PKHD1: variants seen among roughly 807,000 people sequenced by gnomAD.
PKHD1 encodes fibrocystin.
PKHD1 carries 291 observed loss-of-function variants against 412.0 expected under a neutral mutation model. That is an observed-to-expected ratio of 0.71 (90% CI 0.64 to 0.78). PKHD1 has a LOEUF of 0.78. Among genes scored for constraint, PKHD1 ranks in the 30% least tolerant of loss-of-function variants. The pLI is 0.00. For synonymous variants in PKHD1, 1,777 were observed against 1,821.5 expected (o/e 0.98, Z 0.62); for missense variants, 4,825 against 4,950.7 (o/e 0.97, Z 0.76).
chr6:51,902,702 A>AT (rs2127618213), intron 43 of PKHD1, among the ~76,000 whole-genome samples: 1 of 152,318 alleles, frequency 6.6e-6, no homozygotes, highest in South Asian at 2.1e-4. Context: ...GATCCATGGG[A>AT]TAAAATAATT....
intron 60 of PKHD1, among the ~76,000 whole-genome samples, chr6:51,741,513 G>A (rs1217273944): frequency 6.6e-6 from 1 of 152,062 alleles, no homozygotes; most frequent in African/African-American, 2.4e-5. Context: ...CCAAAGTCCT[G>A]ACAGAAAAGA....
chr6:52,048,401 C>G (rs1332799292), intron 23 of PKHD1, 91 bp downstream of exon 23: 2 of 1,227,780 alleles, frequency 1.6e-6, no homozygotes, highest in East Asian at 4.6e-5. Flanking sequence ...ATATTATCAC[C>G]TGTCTGACAA....
intron 4 of PKHD1, 118 bp downstream of exon 4, chr6:52,082,274 A>G: frequency 9.8e-7 from 1 of 1,025,166 alleles, no homozygotes; most frequent in Non-Finnish European, 1.5e-6. Flanking sequence ...ACTTTTTTTA[A>G]CAACTATGGC....
chr6:51,810,966 T>C (rs1258968884), intron 52 of PKHD1, among the ~76,000 whole-genome samples: 4 of 152,184 alleles, frequency 2.6e-5, no homozygotes, highest in African/African-American at 9.7e-5. Flanking sequence ...AAACCCTATT[T>C]AACTATAATT....
intron 37 of PKHD1, among the ~76,000 whole-genome samples, chr6:51,931,821 G>A (rs983317443): frequency 2.0e-5 from 3 of 151,836 alleles, no homozygotes; most frequent in Admixed American, 6.6e-5. Flanking sequence ...TAGGAAAAGG[G>A]GGAGAGAGAG....
chr6:51,640,397 T>C (rs1769190712), intron 63 of PKHD1, among the ~76,000 whole-genome samples: 1 of 152,190 alleles, frequency 6.6e-6, no homozygotes, highest in Non-Finnish European at 1.5e-5. Flanking sequence ...CATATATATC[T>C]ATGATATTCT....
At chr6:51,989,911 G>GGAAA (rs1796717387) in intron 35 of PKHD1, among the ~76,000 whole-genome samples, 1 of 90,132 alleles carries the variant, frequency 1.1e-5, no homozygotes, top group Admixed American at 1.2e-4. Flanking sequence ...GAGGAAGGAA[G>GGAAA]GAAGGAAGGA....
chr6:51,639,018 T>C lies in PKHD1; in HGVS notation c.11399-62A>G, dbSNP rs1391841486. 4 of 1,200,984 alleles carry C rather than the reference T, an allele frequency of 3.3e-6. 1 individual carries two copies. The highest frequency in any genetic ancestry group is 2.4e-5 in the South Asian group (2 of 82,788). 74.4% of individuals were successfully genotyped at this position (1,200,984 alleles called of 1,614,324 possible). ...TATCTAATCTCGAACAATGTCTTCA[T>C]GTCTTCTGCGAAGGCAGACATTTGG... On this transcript the variant is annotated intron_variant, in intron 63 of 66. Transcript: ENST00000371117.
intron 52 of PKHD1, among the ~76,000 whole-genome samples, chr6:51,819,551 C>T (rs1208828711): frequency 6.6e-6 from 1 of 152,044 alleles, no homozygotes; most frequent in Non-Finnish European, 1.5e-5. Flanking sequence ...TCCTATAGCA[C>T]ATTTGTTAGT....
intron 20 of PKHD1, 21 bp from the exon 21 acceptor site, chr6:52,053,272 G>A (rs1190192076): frequency 5.0e-6 from 8 of 1,613,334 alleles, no homozygotes; most frequent in Non-Finnish European, 6.8e-6. Flanking sequence ...GCATGGAGCA[G>A]AACTGGGCTC....
rs1221197571 is a variant in PKHD1, at chr6:51,746,813, G to T, written c.9906C>A (p.Asn3302Lys). ...CTGTTATTGGGTGCATAATTCCACT[G>T]TTCTCTGCATTTGGTAGAATGCAGA... ...LDVCILPNAE[N>K]SGIMHPITAE... The change falls in exon 59 of 67, where the codon AAC (asparagine) becomes AAA (lysine). Residue 3302 changes from asparagine to lysine, a missense_variant. Transcript: ENST00000371117. 6.2e-7 allele frequency: 1 copy of T among 1,609,996 alleles called. No individual in the cohort carries two copies. The highest frequency in any genetic ancestry group is 8.5e-7 in the Non-Finnish European group (1 of 1,176,568).
At chr6:51,712,273 A>ACC (rs1780750248) in intron 60 of PKHD1, among the ~76,000 whole-genome samples, 1 of 152,166 alleles carries the variant, frequency 6.6e-6, no homozygotes, top group African/African-American at 2.4e-5. Flanking sequence ...TCTTCTTGGT[A>ACC]AGAGCCTTAT....
intron 37 of PKHD1, among the ~76,000 whole-genome samples, chr6:51,913,508 T>C (rs1485946687): frequency 6.6e-6 from 1 of 152,082 alleles, no homozygotes; most frequent in Non-Finnish European, 1.5e-5. Context: ...TTCAAGGCAT[T>C]ATCTGAATAC....
intron 66 of PKHD1, among the ~76,000 whole-genome samples, chr6:51,623,839 G>A (rs951755469): frequency 9.2e-5 from 14 of 152,080 alleles, no homozygotes; most frequent in African/African-American, 2.9e-4. Context: ...TGTCCACTTC[G>A]GCCTCCCAAA....
chr6:51,803,649 C>T (rs559678219), intron 52 of PKHD1, among the ~76,000 whole-genome samples: 2 of 151,652 alleles, frequency 1.3e-5, no homozygotes, highest in South Asian at 2.1e-4. Flanking sequence ...TTGTCAGACA[C>T]TGTGATATAT....
chr6:51,931,311 T>G (rs989131820), intron 37 of PKHD1, among the ~76,000 whole-genome samples: 2 of 152,140 alleles, frequency 1.3e-5, no homozygotes, highest in African/African-American at 4.8e-5. Flanking sequence ...GAATGCTGGG[T>G]CATTAGGGAC....
chr6:51,775,696 G>C (rs1336379561), intron 54 of PKHD1, 112 bp downstream of exon 54: 2 of 663,666 alleles, frequency 3.0e-6, no homozygotes, highest in East Asian at 5.5e-5. Flanking sequence ...TTGCCTAAAA[G>C]GGTGTTTGGA....
intron 54 of PKHD1, 133 bp from the exon 55 acceptor site, chr6:51,772,922 T>A: frequency 1.5e-6 from 1 of 674,310 alleles, no homozygotes; most frequent in Non-Finnish European, 2.7e-6. Context: ...TCCCATATTA[T>A]CAAAAGCATT....
intron 31 of PKHD1, among the ~76,000 whole-genome samples, chr6:52,027,103 C>T (rs1298902459): frequency 6.6e-6 from 1 of 152,204 alleles, no homozygotes; most frequent in African/African-American, 2.4e-5. Context: ...AAAGTGAAGA[C>T]CCGCAGATTC....
Sources: allele counts gnomAD v4.1 joint callset (sites outside exome capture counted in the v4.1 genomes callset), GRCh38; gene constraint gnomAD v4.1.1; transcripts MANE v1.5; gene names NCBI Gene and HGNC (gene_info 2026-07-23, HGNC 2026-07-21).